The following PRKD1 variants were observed in gnomAD, a reference collection of about 807,000 sequenced individuals.
The protein encoded by PRKD1 is protein kinase D1.
PRKD1 carries 63 observed loss-of-function variants against 95.9 expected under a neutral mutation model. The ratio of observed to expected loss-of-function variants is 0.66; its 90% CI spans 0.54 to 0.81. PRKD1 has a LOEUF of 0.81. Among genes scored for constraint, PRKD1 ranks in the 30% least tolerant of loss-of-function variants. The pLI is 0.00. For synonymous variants in PRKD1, 425 were observed against 423.1 expected (o/e 1.00, Z -0.05); for missense variants, 1,048 against 1,165.3 (o/e 0.90, Z 1.47).
intron 1 of PRKD1, among the ~76,000 whole-genome samples, chr14:29,864,380 A>C (rs1379212251): frequency 1.3e-5 from 2 of 152,146 alleles, no homozygotes; most frequent in Non-Finnish European, 1.5e-5. Flanking sequence ...CTCTCTTTTT[A>C]AATGCAGACT....
rs78295157 is a variant in PRKD1 at position 29,586,025 on chromosome 14, T to G, written c.2435-7665A>C. On this transcript the variant is annotated intron_variant, in intron 16 of 17. Transcript: ENST00000331968. The stretch of plus-strand genomic sequence containing the variant: ...ACTGAAGATTCTGATTTGGTAGTTC[T>G]GAGGTGGGGCCTGATAGTCTGTATT... Among the ~76,000 whole-genome samples, 445 of 152,322 alleles carry G rather than the reference T, an allele frequency of 2.9e-3. 9 individuals are homozygous for G. The East Asian group carries it at 0.068, about 23-fold the overall frequency.
intron 1 of PRKD1, among the ~76,000 whole-genome samples, chr14:29,770,584 C>T (rs1888455761): frequency 6.6e-6 from 1 of 151,956 alleles, no homozygotes; most frequent in Admixed American, 6.5e-5. Context: ...TATAAAGGGG[C>T]AAAAAATCTG....
intron 1 of PRKD1, among the ~76,000 whole-genome samples, chr14:29,791,251 T>C (rs1362759663): frequency 6.6e-6 from 1 of 152,182 alleles, no homozygotes; most frequent in African/African-American, 2.4e-5. Flanking sequence ...CGTAATAACA[T>C]GCATTACAAT....
At chr14:29,786,700 CTAATTT>C (rs1467603498) in intron 1 of PRKD1, among the ~76,000 whole-genome samples, 2 of 151,656 alleles carry the variant, frequency 1.3e-5, no homozygotes, top group Non-Finnish European at 2.9e-5. Context: ...TTTTTTGTTT[CTAATTT>C]TATTTATTTG....
chr14:29,834,541 T>G (rs1891537304), intron 1 of PRKD1, among the ~76,000 whole-genome samples: 1 of 152,082 alleles, frequency 6.6e-6, no homozygotes, highest in Non-Finnish European at 1.5e-5. Context: ...AAAAGCATAC[T>G]CTTAATAATT....
In PRKD1 at chr14:29,624,317, C is replaced by T. The variant is rs544099956; in HGVS notation, c.1799-59G>A. On this transcript the variant is annotated intron_variant, in intron 12 of 17. Transcript: ENST00000331968. ...ATTAAATATCATCTATCTTAAAGAACACTAAAATTTGCAAGGACATTTAAA... is the reference window on the plus strand; with the variant it reads ...ATTAAATATCATCTATCTTAAAGAATACTAAAATTTGCAAGGACATTTAAA... The T allele has an allele frequency of 7.0e-5, 87 of 1,243,734 alleles. No individual in the cohort carries two copies. The African/African-American group carries it at 1.3e-3, about 18-fold the overall frequency. The allele number at this position is 1,243,734 out of a possible 1,614,324, so 77.0% of individuals were successfully genotyped here. A position where few individuals can be genotyped will look rare whatever the true frequency, so the allele number is the denominator to read the frequency against.
chr14:29,754,551 A>G (rs756005764), intron 1 of PRKD1, among the ~76,000 whole-genome samples: 1 of 152,096 alleles, frequency 6.6e-6, no homozygotes, highest in Non-Finnish European at 1.5e-5. Context: ...TCCATATAGT[A>G]AAACAATTTT....
chr14:29,637,096 C>A (rs1328302544), intron 6 of PRKD1, among the ~76,000 whole-genome samples: 3 of 152,072 alleles, frequency 2.0e-5, no homozygotes, highest in African/African-American at 4.8e-5. Flanking sequence ...AAGTAAAATG[C>A]TAGAAGGCAA....
chr14:29,879,918 A>C, intron 1 of PRKD1, among the ~76,000 whole-genome samples: 1 of 152,186 alleles, frequency 6.6e-6, no homozygotes, highest in East Asian at 1.9e-4. Flanking sequence ...TAGTGGAAGA[A>C]GTTTCTAAAC....
chr14:29,898,515 A>T (rs964641232), intron 1 of PRKD1, among the ~76,000 whole-genome samples: 2 of 152,188 alleles, frequency 1.3e-5, no homozygotes, highest in Admixed American at 6.5e-5. Context: ...TTATTCAAAT[A>T]TTTGTGCTTT....
Position 29,749,654 on chromosome 14 carries a change from A to G in PRKD1, c.265-23980T>C, listed in dbSNP as rs140171718. 3.8e-3 allele frequency among the ~76,000 whole-genome samples: 581 copies of G among 152,314 alleles called. 5 individuals are homozygous for G. Among genetic ancestry groups the G allele is most frequent in the African/African-American group, 0.013 (537 of 41,574 alleles). On this transcript the variant is annotated intron_variant, in intron 1 of 17. Coordinates refer to ENST00000331968, the MANE Select transcript of PRKD1 (RefSeq NM_002742.3). ...TTATCCATGTGTATATAAATCACAT[A>G]AAGTTGTGGGTACAGCTTTACATCT...
intron 1 of PRKD1, among the ~76,000 whole-genome samples, chr14:29,803,471 A>T (rs1232025067): frequency 6.6e-6 from 1 of 152,218 alleles, no homozygotes; most frequent in Admixed American, 6.5e-5. Flanking sequence ...ATATTAGCAT[A>T]CTCAACTTGT....
intron 1 of PRKD1, among the ~76,000 whole-genome samples, chr14:29,896,535 T>C (rs949716686): frequency 6.6e-6 from 1 of 152,152 alleles, no homozygotes; most frequent in African/African-American, 2.4e-5. Flanking sequence ...AGAGGACTGA[T>C]TTCTGCCTGC....
intron 2 of PRKD1, among the ~76,000 whole-genome samples, chr14:29,682,481 T>C (rs1199300997): frequency 2.0e-5 from 3 of 152,238 alleles, no homozygotes; most frequent in Non-Finnish European, 2.9e-5. Flanking sequence ...ATATCCTTCA[T>C]GTAATTGTAC....
intron 16 of PRKD1, among the ~76,000 whole-genome samples, chr14:29,585,939 T>C (rs1018006478): frequency 3.3e-5 from 5 of 152,252 alleles, no homozygotes; most frequent in South Asian, 2.1e-4. Context: ...CAGTTGAGCA[T>C]GACTGTGCTA....
intron 16 of PRKD1, among the ~76,000 whole-genome samples, chr14:29,579,549 G>A (rs149570808): frequency 3.3e-5 from 5 of 152,188 alleles, no homozygotes; most frequent in Non-Finnish European, 5.9e-5. Flanking sequence ...TTTTTGGTGT[G>A]CATCAACCTG....
chr14:29,871,013 G>A (rs886328294), intron 1 of PRKD1, among the ~76,000 whole-genome samples: 1 of 152,180 alleles, frequency 6.6e-6, no homozygotes, highest in Non-Finnish European at 1.5e-5. Context: ...ACTTAGAGGT[G>A]CTAATATTCA....
Position 29,721,045 on chromosome 14 carries a change from C to T in PRKD1, c.403+4491G>A, listed in dbSNP as rs545099281. Among the ~76,000 whole-genome samples the T allele has an allele frequency of 5.5e-4, 83 of 152,284 alleles. No homozygotes were observed. The South Asian group carries it at 6.4e-3, about 12-fold the overall frequency. ...GTTGATTTTTTCATTCCTCCTTCAT[C>T]AACTACATCAAAATGGTTATTATGT... On this transcript the variant is annotated intron_variant, in intron 2 of 17. Coordinates refer to ENST00000331968, the MANE Select transcript of PRKD1 (RefSeq NM_002742.3).
chr14:29,731,857 A>T (rs1886452442), intron 1 of PRKD1, among the ~76,000 whole-genome samples: 1 of 150,376 alleles, frequency 6.6e-6, no homozygotes, highest in South Asian at 2.1e-4. Flanking sequence ...GTGCAGTCTG[A>T]CAATCTCTAC....
Sources: allele counts gnomAD v4.1 joint callset (sites outside exome capture counted in the v4.1 genomes callset), GRCh38; gene constraint gnomAD v4.1.1; transcripts MANE v1.5; gene names NCBI Gene and HGNC (gene_info 2026-07-23, HGNC 2026-07-21).